SLC28A3: variants seen among roughly 807,000 people sequenced by gnomAD.
The protein encoded by SLC28A3 is solute carrier family 28 member 3, also known as concentrative Na(+)-nucleoside cotransporter 3.
In SLC28A3, 68 loss-of-function variants were observed where a neutral mutation model predicts 84.2. That is an observed-to-expected ratio of 0.81 (90% confidence interval 0.66 to 0.99). The LOEUF is 0.99. Among genes scored for constraint, SLC28A3 ranks in the 50% least tolerant of loss-of-function variants. The pLI is 0.00. For missense variants in SLC28A3, 712 were observed against 841.5 expected, an observed-to-expected ratio of 0.85 and a Z score of 1.90; for synonymous variants, 267 against 303.6, an observed-to-expected ratio of 0.88 and a Z score of 1.25.
rs1588579641 is a variant in SLC28A3, at chr9:84,297,203, A to G, written c.861+18T>C. 1 of 1,601,480 alleles carries G rather than the reference A, an allele frequency of 6.2e-7. No individual in the cohort carries two copies. Among genetic ancestry groups the G allele is most frequent in the Non-Finnish European group, 8.5e-7 (1 of 1,174,914 alleles). On this transcript the variant is annotated intron_variant, in intron 8 of 17. Transcript: ENST00000376238. ...GCTGAAATAGCAGCGACTACATAGA[A>G]AAAAGGTTTGACTTTACCTTAAATG...
Position 84,294,285 on chromosome 9 carries a change from C to G in SLC28A3, c.862-10G>C, listed in dbSNP as rs1322302374. 3 of 1,613,908 alleles carry G rather than the reference C, an allele frequency of 1.9e-6. No individual in the cohort carries two copies. The highest frequency in any genetic ancestry group is 2.2e-5 in the South Asian group (2 of 91,050). On this transcript the variant is annotated splice_polypyrimidine_tract_variant and intron_variant, in intron 8 of 17. Transcript: ENST00000376238. ...CCACGATCGGCAGGACCTGTGGGGACAGAAACAAACATGGATTAATGATGG... is the reference window on the plus strand; with the variant it reads ...CCACGATCGGCAGGACCTGTGGGGAGAGAAACAAACATGGATTAATGATGG...
At chr9:84,293,887 A>C (rs956613062) in intron 9 of SLC28A3, among the ~76,000 whole-genome samples, 2 of 152,224 alleles carry the variant, frequency 1.3e-5, no homozygotes, top group African/African-American at 4.8e-5. Context: ...ACCAAGATGA[A>C]GGAATAACAT....
chr9:84,327,692 C>T (rs139493512), intron 1 of SLC28A3, among the ~76,000 whole-genome samples: 229 of 151,938 alleles, frequency 1.5e-3, no homozygotes, highest in African/African-American at 4.7e-3. Flanking sequence ...TTTGGGAGGC[C>T]GAGGCAGGTG....
intron 9 of SLC28A3, among the ~76,000 whole-genome samples, chr9:84,293,246 T>C (rs1176504503): frequency 1.3e-5 from 2 of 152,250 alleles, no homozygotes; most frequent in African/African-American, 4.8e-5. Context: ...TGGTCTTTTT[T>C]ACTTAATTGA....
chr9:84,332,945 T>G lies in SLC28A3; in HGVS notation c.60+7629A>C, dbSNP rs530260455. 6.6e-5 allele frequency among the ~76,000 whole-genome samples: 10 copies of G among 152,306 alleles called. 1 individual carries two copies. In the South Asian group the frequency reaches 2.1e-3, roughly 32 times the overall value. ...GTAGAAGGTATTTACAAATCATAAC[T>G]GACAAAGGGCTTGTCAATCGAGGAA... On this transcript the variant is annotated intron_variant, in intron 1 of 17. Coordinates refer to ENST00000376238, the MANE Select transcript of SLC28A3 (RefSeq NM_001199633.2).
intron 5 of SLC28A3, 35 bp downstream of exon 5, chr9:84,302,165 C>G: frequency 6.2e-7 from 1 of 1,602,756 alleles, no homozygotes; most frequent in South Asian, 1.1e-5. Context: ...ACTACTATCT[C>G]TCTTAACTGA....
intron 1 of SLC28A3, among the ~76,000 whole-genome samples, chr9:84,321,383 C>T (rs1826368520): frequency 6.6e-6 from 1 of 151,726 alleles, no homozygotes. Flanking sequence ...CACACTAGAC[C>T]AACAGTGGGA....
chr9:84,282,205 G>A (rs1824782356), intron 14 of SLC28A3, among the ~76,000 whole-genome samples: 1 of 151,932 alleles, frequency 6.6e-6, no homozygotes, highest in South Asian at 2.1e-4. Context: ...GTGAAAGACT[G>A]GCTATTGGTT....
Position 84,297,229 on chromosome 9 carries a change from C to A in SLC28A3, c.853G>T (p.Ala285Ser), listed in dbSNP as rs1370316961. The A allele has an allele frequency of 1.2e-6, 2 of 1,612,624 alleles. No homozygotes were observed. Among genetic ancestry groups the A allele is most frequent in the Non-Finnish European group, 1.7e-6 (2 of 1,179,490 alleles). ...FGEKYKDHFF[A>S]FKVLPIVVFF... ...AAAAGGTTTGACTTTACCTTAAATG[C>A]AAAGAAGTGGTCTTTGTATTTCTCA... Residue 285 changes from alanine (A) to serine (S), a missense_variant, in exon 8 of 18, where the codon GCA becomes TCA. Transcript: ENST00000376238.
At chr9:84,294,397 C>T in intron 8 of SLC28A3, 122 bp from the exon 9 acceptor site, 1 of 871,584 alleles carries the variant, frequency 1.1e-6, no homozygotes, top group South Asian at 1.7e-5. Flanking sequence ...TGGGAAACTC[C>T]TCTTGAACTT....
intron 1 of SLC28A3, among the ~76,000 whole-genome samples, chr9:84,335,303 C>T (rs368968620): frequency 1.9e-4 from 29 of 152,312 alleles, no homozygotes; most frequent in African/African-American, 6.7e-4. Flanking sequence ...AATCTCAGCA[C>T]TTTGGGAAAC....
At chr9:84,343,832 T>C (rs1188396466), upstream of SLC28A3, among the ~76,000 whole-genome samples, 1 of 152,186 alleles carries the variant, frequency 6.6e-6, no homozygotes. Context: ...GGCTGATGCC[T>C]ATAATCCCAA....
intron 1 of SLC28A3, among the ~76,000 whole-genome samples, chr9:84,318,048 T>A (rs1826233224): frequency 6.6e-6 from 1 of 152,218 alleles, no homozygotes; most frequent in Admixed American, 6.5e-5. Context: ...TAGGAATGAT[T>A]GCATTTTCAA....
At chr9:84,360,397 A>G in the SLC28A3 span, among the ~76,000 whole-genome samples, 1 of 152,104 alleles carries the variant, frequency 6.6e-6, no homozygotes, top group Admixed American at 6.5e-5. Flanking sequence ...GAGATAACCA[A>G]TCATACAGGT....
intron 7 of SLC28A3, 44 bp downstream of exon 7, chr9:84,297,862 T>A (rs1825474991): frequency 6.6e-7 from 1 of 1,514,192 alleles, no homozygotes; most frequent in East Asian, 2.3e-5. Context: ...CCTCCAATGT[T>A]AAAAGCACCA....
At position 84,280,898 on chromosome 9, in the gene SLC28A3, A is replaced by C. The variant is rs751607100; in HGVS notation, c.1648-16T>G. ...CAGAACGAATCTGTAAGCAAGCATA[A>C]ACACATATGTATACACAATCTGAGC... is the stretch of plus-strand genomic sequence containing the variant. On this transcript the variant is annotated splice_polypyrimidine_tract_variant and intron_variant, in intron 14 of 17. Transcript: ENST00000376238. 6 of 1,613,062 alleles carry C rather than the reference A, an allele frequency of 3.7e-6. No individual in the cohort carries two copies. Among genetic ancestry groups the C allele is most frequent in the Middle Eastern group, 1.6e-4 (1 of 6,080 alleles).
At chr9:84,302,745 C>T (rs943902247) in intron 4 of SLC28A3, among the ~76,000 whole-genome samples, 13 of 152,114 alleles carry the variant, frequency 8.5e-5, no homozygotes, top group Admixed American at 5.2e-4. Flanking sequence ...AGAGAAAGGC[C>T]GAGTGTTGAA....
chr9:84,348,224 C>T, the SLC28A3 span, among the ~76,000 whole-genome samples: 3 of 152,034 alleles, frequency 2.0e-5, no homozygotes, highest in Admixed American at 6.6e-5. Context: ...CATGGTGGCT[C>T]ACACCTGTAG....
At chr9:84,318,467 T>C (rs1826247386) in intron 1 of SLC28A3, among the ~76,000 whole-genome samples, 1 of 152,104 alleles carries the variant, frequency 6.6e-6, no homozygotes, top group Admixed American at 6.5e-5. Context: ...TGTATGGGAA[T>C]GTCAGGGAAA....
Sources: allele counts gnomAD v4.1 joint callset (sites outside exome capture counted in the v4.1 genomes callset), GRCh38; gene constraint gnomAD v4.1.1; transcripts MANE v1.5; gene names NCBI Gene and HGNC (gene_info 2026-07-23, HGNC 2026-07-21).